KIF16B: variants seen among roughly 807,000 people sequenced by gnomAD.
The protein encoded by KIF16B is kinesin-like protein KIF16B.
In KIF16B, 98 loss-of-function variants were observed where a neutral mutation model predicts 156.3. The observed-to-expected ratio is 0.63, with a 90% CI of 0.53 to 0.74. The LOEUF (loss-of-function observed/expected upper bound fraction) is 0.74, where lower values mean the gene tolerates loss of function less well. KIF16B is among the 30% of genes least tolerant of loss of function. The probability of loss-of-function intolerance (pLI) is 0.00; values close to 1 mark genes in which losing one functional copy is unlikely to be tolerated. For missense variants in KIF16B, 1,421 were observed against 1,606.5 expected (o/e 0.88, Z 1.97); for synonymous variants, 564 against 583.7 (o/e 0.97, Z 0.49).
At chr20:16,511,876 G>A (rs1420695438) in intron 5 of KIF16B, among the ~76,000 whole-genome samples, 1 of 152,160 alleles carries the variant, frequency 6.6e-6, no homozygotes, top group African/African-American at 2.4e-5. Context: ...TTAGGCCAGG[G>A]GTGGTGGCTC....
At chr20:16,456,117 C>CAATACAATAT (rs2067206445) in intron 12 of KIF16B, among the ~76,000 whole-genome samples, 1 of 151,184 alleles carries the variant, frequency 6.6e-6, no homozygotes, top group African/African-American at 2.4e-5. Flanking sequence ...CAATACAATA[C>CAATACAATAT]AATACAATAC....
intron 25 of KIF16B, among the ~76,000 whole-genome samples, chr20:16,297,823 C>G (rs1157580503): frequency 6.6e-6 from 1 of 152,058 alleles, no homozygotes; most frequent in Non-Finnish European, 1.5e-5. Flanking sequence ...GTGTATGTCT[C>G]TAACCTACCA....
chr20:16,429,668 G>A (rs1441837012), intron 13 of KIF16B, among the ~76,000 whole-genome samples, 195 bp downstream of exon 13: 2 of 152,104 alleles, frequency 1.3e-5, no homozygotes, highest in East Asian at 1.9e-4. Flanking sequence ...TTTAACTTTA[G>A]ATAACAAGGG....
At position 16,273,257 on chromosome 20, in the gene KIF16B, C is replaced by A. The variant is rs2063008216; in HGVS notation, c.3950G>T (p.Gly1317Val). 6.8e-6 allele frequency: 11 copies of A among 1,613,826 alleles called. No individual in the cohort carries two copies. In the Admixed American group the frequency reaches 1.3e-4, roughly 20 times the overall value. ...GTTCCTCCATCACCCCTGGCTCTAC[C>A]CCGTCCCGTGGCTGCTGTAGTCAAA... ...GVFDYSSHGT[G>V] The change falls in exon 26 of 26, where the codon GGG becomes GTG. Residue 1317 changes from glycine to valine, a missense_variant. Transcript: ENST00000354981.
chr20:16,523,558 T>G (rs1375434053), intron 3 of KIF16B, among the ~76,000 whole-genome samples: 2 of 152,108 alleles, frequency 1.3e-5, no homozygotes, highest in African/African-American at 4.8e-5. Flanking sequence ...TGGAAAAACA[T>G]TCCATGCTCA....
At chr20:16,545,589 C>T (rs901832933) in intron 1 of KIF16B, among the ~76,000 whole-genome samples, 5 of 152,036 alleles carry the variant, frequency 3.3e-5, no homozygotes, top group African/African-American at 1.2e-4. Context: ...TGCTTAAACC[C>T]GGGAGGCAGA....
At chr20:16,372,160 A>G (rs1416082924) in intron 20 of KIF16B, among the ~76,000 whole-genome samples, 1 of 152,238 alleles carries the variant, frequency 6.6e-6, no homozygotes, top group Non-Finnish European at 1.5e-5. Flanking sequence ...GAAAAGGATA[A>G]TACAGATGAT....
intron 22 of KIF16B, among the ~76,000 whole-genome samples, chr20:16,362,371 G>A (rs1410845947): frequency 2.6e-5 from 4 of 152,138 alleles, no homozygotes; most frequent in East Asian, 1.9e-4. Context: ...AAAGCAGAGC[G>A]CAAAGAGAAG....
chr20:16,364,917 C>T (rs1016302205), intron 22 of KIF16B, among the ~76,000 whole-genome samples: 4 of 152,176 alleles, frequency 2.6e-5, no homozygotes, highest in Admixed American at 2.6e-4. Flanking sequence ...TCCTAAAGGC[C>T]ATGATTTACA....
At chr20:16,470,903 G>A (rs2067645352) in intron 12 of KIF16B, among the ~76,000 whole-genome samples, 1 of 151,908 alleles carries the variant, frequency 6.6e-6, no homozygotes, top group Non-Finnish European at 1.5e-5. Flanking sequence ...CCCAGGGTAT[G>A]TGAACATAGC....
intron 12 of KIF16B, among the ~76,000 whole-genome samples, chr20:16,486,335 T>C (rs1258213442): frequency 1.3e-5 from 2 of 152,058 alleles, no homozygotes; most frequent in Non-Finnish European, 1.5e-5. Flanking sequence ...AGAAATTCTA[T>C]TATGGGGAGA....
At chr20:16,412,222 A>G (rs2065974446) in intron 15 of KIF16B, among the ~76,000 whole-genome samples, 1 of 152,014 alleles carries the variant, frequency 6.6e-6, no homozygotes, top group African/African-American at 2.4e-5. Context: ...TGAGACAAAA[A>G]GACTAGAAAA....
intron 2 of KIF16B, among the ~76,000 whole-genome samples, chr20:16,526,585 G>A (rs900009427): frequency 6.6e-6 from 1 of 152,150 alleles, no homozygotes; most frequent in Non-Finnish European, 1.5e-5. Context: ...TTCTAAAGCT[G>A]TATGATTTGG....
At chr20:16,383,561 T>C (rs1338721444) in intron 17 of KIF16B, among the ~76,000 whole-genome samples, 1 of 152,200 alleles carries the variant, frequency 6.6e-6, no homozygotes, top group Non-Finnish European at 1.5e-5. Flanking sequence ...GGCCAGCCCA[T>C]ATGCAATTGC....
At chr20:16,519,788 T>C (rs1479969569) in intron 3 of KIF16B, among the ~76,000 whole-genome samples, 1 of 152,006 alleles carries the variant, frequency 6.6e-6, no homozygotes, top group African/African-American at 2.4e-5. Context: ...AGAAGGCAAG[T>C]GATTTCTGGA....
intron 13 of KIF16B, among the ~76,000 whole-genome samples, chr20:16,429,301 G>C (rs575386222): frequency 6.6e-6 from 1 of 152,126 alleles, no homozygotes; most frequent in Admixed American, 6.6e-5. Flanking sequence ...CAGTGGCCAA[G>C]AGATTCTTTG....
chr20:16,312,788 T>A (rs564787117), intron 24 of KIF16B, among the ~76,000 whole-genome samples: 26 of 150,124 alleles, frequency 1.7e-4, no homozygotes, highest in Admixed American at 1.3e-3. Flanking sequence ...TTTTTTTTTT[T>A]ACTAGAATCC....
chr20:16,462,899 G>C (rs1001307251), intron 12 of KIF16B, among the ~76,000 whole-genome samples: 1 of 152,192 alleles, frequency 6.6e-6, no homozygotes, highest in African/African-American at 2.4e-5. Context: ...TCAACCACAT[G>C]TTCAGTAAAG....
At position 16,504,433 on chromosome 20, in the gene KIF16B, A is replaced by T; in HGVS notation, c.1115T>A (p.Leu372His). The change falls in exon 10 of 26, where the codon CTT becomes CAT. Residue 372 changes from leucine to histidine, a missense_variant. Leu to His is a moderately conservative substitution (Grantham distance 99). Coordinates refer to ENST00000354981, the MANE Select transcript of KIF16B (RefSeq NM_024704.5). ...TATTTCAGCTCGCAGCTCACGGATA[A>T]GTTTGACGTTGGCATCCTCATTAAT... ...PTINEDANVK[L>H]IRELRAEIAR... 6.2e-7 allele frequency: 1 copy of T among 1,614,130 alleles called. No homozygotes were observed. The highest frequency in any genetic ancestry group is 8.5e-7 in the Non-Finnish European group (1 of 1,179,974).
Sources: gnomAD v4.1 joint callset for allele counts (sites outside exome capture counted in the v4.1 genomes callset) on GRCh38, gnomAD v4.1.1 for gene constraint, MANE v1.5 for transcripts, NCBI Gene and HGNC (gene_info 2026-07-23, HGNC 2026-07-21) for gene names.